Variants in ZEB1 observed in about 807,000 individuals in gnomAD.
The protein encoded by ZEB1 is zinc finger E-box binding homeobox 1.
In ZEB1, 21 loss-of-function variants were observed where a neutral mutation model predicts 84.9. The observed-to-expected ratio is 0.25, with a 90% CI of 0.18 to 0.36. The LOEUF is 0.36. Ranked by LOEUF, ZEB1 falls within the 10% of genes least tolerant of loss-of-function variation. The pLI, the probability that ZEB1 is intolerant of heterozygous loss-of-function variation, is 1.00. For missense variants in ZEB1, 1,104 were observed against 1,330.2 expected (o/e 0.83, Z 2.65); for synonymous variants, 420 against 471.1 (o/e 0.89, Z 1.41).
chr10:31,368,420 G>A (rs1004194280), intron 1 of ZEB1, among the ~76,000 whole-genome samples: 1 of 152,160 alleles, frequency 6.6e-6, no homozygotes, highest in Non-Finnish European at 1.5e-5. Context: ...ACCTCTCAAA[G>A]TGTTGGGATT....
At chr10:31,345,636 A>G (rs1590141510) in intron 1 of ZEB1, among the ~76,000 whole-genome samples, 1 of 152,112 alleles carries the variant, frequency 6.6e-6, no homozygotes, top group South Asian at 2.1e-4. Flanking sequence ...AAACCTGCCC[A>G]GTTGGAATTA....
intron 2 of ZEB1, among the ~76,000 whole-genome samples, chr10:31,479,241 C>A (rs925551859): frequency 2.6e-5 from 4 of 151,758 alleles, no homozygotes; most frequent in Admixed American, 6.6e-5. Flanking sequence ...AAGCTGTAAT[C>A]AAAAATCTCC....
chr10:31,501,562 A>T (rs2068126031), intron 3 of ZEB1, among the ~76,000 whole-genome samples: 1 of 152,212 alleles, frequency 6.6e-6, no homozygotes, highest in Non-Finnish European at 1.5e-5. Flanking sequence ...AAGAAATCAT[A>T]TAACTGAACT....
chr10:31,352,279 G>T (rs947060976), intron 1 of ZEB1, among the ~76,000 whole-genome samples: 8 of 152,218 alleles, frequency 5.3e-5, no homozygotes, highest in African/African-American at 1.9e-4. Flanking sequence ...TGTAAAATGA[G>T]TGTAACTTTT....
intron 1 of ZEB1, among the ~76,000 whole-genome samples, chr10:31,341,585 T>TG (rs1216275858): frequency 1.3e-5 from 2 of 152,042 alleles, no homozygotes; most frequent in Non-Finnish European, 2.9e-5. Flanking sequence ...GGGATATAGA[T>TG]GGGGGTCCTG....
At chr10:31,503,694 T>A (rs2068488286) in intron 4 of ZEB1, among the ~76,000 whole-genome samples, 1 of 152,016 alleles carries the variant, frequency 6.6e-6, no homozygotes, top group Non-Finnish European at 1.5e-5. Flanking sequence ...CAAGAATGTA[T>A]GAGAGTTCCC....
At chr10:31,386,591 A>G (rs1167276059) in intron 1 of ZEB1, among the ~76,000 whole-genome samples, 2 of 152,082 alleles carry the variant, frequency 1.3e-5, no homozygotes, top group African/African-American at 4.8e-5. Context: ...TCCTTTCCTC[A>G]TGGAGTTTTA....
chr10:31,443,215 G>T (rs949851316), intron 1 of ZEB1, among the ~76,000 whole-genome samples: 1 of 152,108 alleles, frequency 6.6e-6, no homozygotes, highest in East Asian at 1.9e-4. Flanking sequence ...TTACTGGGTG[G>T]TTCATCTTAT....
At chr10:31,419,929 G>GT (rs1564795768) in intron 1 of ZEB1, among the ~76,000 whole-genome samples, 2 of 152,246 alleles carry the variant, frequency 1.3e-5, no homozygotes, top group African/African-American at 4.8e-5. Flanking sequence ...TACCTCCGAA[G>GT]TAGTATGTCT....
At chr10:31,352,655 G>A (rs995668275) in intron 1 of ZEB1, among the ~76,000 whole-genome samples, 1 of 152,160 alleles carries the variant, frequency 6.6e-6, no homozygotes, top group Non-Finnish European at 1.5e-5. Flanking sequence ...GTTGGGGGTG[G>A]CCTGGGTGCC....
intron 1 of ZEB1, among the ~76,000 whole-genome samples, chr10:31,455,711 C>T (rs1232761480): frequency 3.3e-5 from 5 of 152,156 alleles, no homozygotes; most frequent in Non-Finnish European, 7.3e-5. Context: ...CAATGAGATA[C>T]CATCTCACAC....
At chr10:31,489,862 G>A (rs960494506) in intron 2 of ZEB1, among the ~76,000 whole-genome samples, 12 of 151,312 alleles carry the variant, frequency 7.9e-5, no homozygotes, top group Admixed American at 4.0e-4. Context: ...CTTTATGACA[G>A]TCTTCCTTTA....
intron 1 of ZEB1, among the ~76,000 whole-genome samples, chr10:31,376,678 G>A (rs2046677396): frequency 6.6e-6 from 1 of 151,566 alleles, no homozygotes; most frequent in South Asian, 2.1e-4. Context: ...TAACTCTACT[G>A]TGCTTCAGTT....
At position 31,521,291 on chromosome 10, in the gene ZEB1, A is replaced by G; in HGVS notation, c.1959A>G (p.Val653=). The change falls in exon 7 of 9, where the codon GTA becomes GTG. Residue 653 remains valine (V), a synonymous_variant. Coordinates refer to ENST00000424869, the MANE Select transcript of ZEB1 (RefSeq NM_001174096.2). ...CATCTTCTCCTGAACCAGGCAAAGT[A>G]AATATCCCTGCCAAGAACAATGATC... ...SEPSSPEPGK[V]NIPAKNNDQP... 1 of 1,614,102 alleles carries G rather than the reference A, an allele frequency of 6.2e-7. No homozygotes were observed. Among genetic ancestry groups the G allele is most frequent in the Non-Finnish European group, 8.5e-7 (1 of 1,180,024 alleles).
chr10:31,427,287 A>G (rs746786808), intron 1 of ZEB1, among the ~76,000 whole-genome samples: 9 of 152,298 alleles, frequency 5.9e-5, no homozygotes, highest in South Asian at 4.1e-4. Context: ...CATGGCAAAA[A>G]TAAAACCTTT....
At chr10:31,453,569 C>G (rs1270829994) in intron 1 of ZEB1, among the ~76,000 whole-genome samples, 2 of 152,110 alleles carry the variant, frequency 1.3e-5, no homozygotes, top group Non-Finnish European at 2.9e-5. Flanking sequence ...ATAGTTGATA[C>G]AGTGCTGCAT....
chr10:31,409,191 A>G (rs1045380789), intron 1 of ZEB1, among the ~76,000 whole-genome samples: 1 of 152,214 alleles, frequency 6.6e-6, no homozygotes, highest in African/African-American at 2.4e-5. Context: ...CAAAACCACA[A>G]TGAGATACCA....
chr10:31,349,158 G>A (rs913669782), intron 1 of ZEB1, among the ~76,000 whole-genome samples: 2 of 152,102 alleles, frequency 1.3e-5, no homozygotes, highest in Non-Finnish European at 2.9e-5. Flanking sequence ...ACGTATAAGT[G>A]AGATCATTGG....
At chr10:31,421,190 TTAGA>T (rs1415637724) in intron 1 of ZEB1, among the ~76,000 whole-genome samples, 2 of 152,034 alleles carry the variant, frequency 1.3e-5, no homozygotes, top group Non-Finnish European at 2.9e-5. Context: ...AGAACCTTAC[TTAGA>T]TGGGGGACAG....
Sources: allele counts gnomAD v4.1 joint callset (sites outside exome capture counted in the v4.1 genomes callset), GRCh38; gene constraint gnomAD v4.1.1; transcripts MANE v1.5; gene names NCBI Gene and HGNC (gene_info 2026-07-23, HGNC 2026-07-21).